The following KCND2 variants were observed in gnomAD, a reference collection of about 807,000 sequenced individuals.
KCND2 encodes the protein potassium voltage-gated channel subfamily D member 2.
Under a neutral mutation model 54.4 loss-of-function variants are expected in KCND2, and 16 were observed. The observed-to-expected ratio is 0.29, with a 90% CI of 0.20 to 0.45. The LOEUF (loss-of-function observed/expected upper bound fraction) is 0.45. Among genes scored for constraint, KCND2 ranks in the 20% least tolerant of loss-of-function variants. The probability of loss-of-function intolerance (pLI) is 1.00; values close to 1 mark genes in which losing one functional copy is unlikely to be tolerated. For synonymous variants in KCND2, 317 were observed against 310.7 expected (o/e 1.02, Z -0.21); for missense variants, 486 against 824.2 (o/e 0.59, Z 5.02).
intron 1 of KCND2, among the ~76,000 whole-genome samples, chr7:120,685,179 T>A (rs2116595009): frequency 6.6e-6 from 1 of 152,204 alleles, no homozygotes; most frequent in East Asian, 1.9e-4. Context: ...CATAGATGAG[T>A]GCTGATAAAG....
chr7:120,528,130 C>T (rs1326917396), intron 1 of KCND2, among the ~76,000 whole-genome samples: 2 of 152,114 alleles, frequency 1.3e-5, no homozygotes, highest in African/African-American at 4.8e-5. Flanking sequence ...CCAATACTCT[C>T]AGGCCCACAG....
At position 120,343,639 on chromosome 7, in the gene KCND2, G is replaced by A. The variant is rs547106935; in HGVS notation, c.1115+67892G>A. Among the ~76,000 whole-genome samples, 4 of 152,252 alleles carry A rather than the reference G, an allele frequency of 2.6e-5. No homozygotes were observed. In the East Asian group the frequency reaches 7.7e-4, roughly 29 times the overall value. On this transcript the variant is annotated intron_variant, in intron 1 of 5. Transcript: ENST00000331113. ...ATCTTGGATATCAGGATGAGAAGTT[G>A]TGTTATTATTTGGAAACTATCTTTT...
chr7:120,422,833 C>T (rs1179745429), intron 1 of KCND2, among the ~76,000 whole-genome samples: 1 of 152,196 alleles, frequency 6.6e-6, no homozygotes, highest in Non-Finnish European at 1.5e-5. Context: ...TGGAAACTTT[C>T]TTCTACTCCG....
intron 1 of KCND2, among the ~76,000 whole-genome samples, chr7:120,585,020 G>A (rs12706292): frequency 0.57 from 86,455 of 152,088 alleles, 28,806 homozygotes; most frequent in Middle Eastern, 0.79. Flanking sequence ...TGGGGTGGTG[G>A]CATATAAGAA....
chr7:120,607,917 A>G (rs755603491), intron 1 of KCND2, among the ~76,000 whole-genome samples: 3 of 152,082 alleles, frequency 2.0e-5, no homozygotes, highest in Non-Finnish European at 2.9e-5. Flanking sequence ...TAGGTCTACT[A>G]GGCTGTAGCT....
intron 1 of KCND2, among the ~76,000 whole-genome samples, chr7:120,390,615 G>A (rs1370689692): frequency 6.6e-6 from 1 of 151,886 alleles, no homozygotes; most frequent in East Asian, 1.9e-4. Context: ...TTATGTTAAA[G>A]CATTTCAATG....
intron 1 of KCND2, among the ~76,000 whole-genome samples, chr7:120,370,219 G>A (rs1800746812): frequency 6.6e-6 from 1 of 151,944 alleles, no homozygotes; most frequent in Non-Finnish European, 1.5e-5. Flanking sequence ...AACTGAGCAG[G>A]GAGAATAGCT....
chr7:120,597,374 G>T (rs193002909), intron 1 of KCND2, among the ~76,000 whole-genome samples: 80 of 152,204 alleles, frequency 5.3e-4, no homozygotes, highest in Non-Finnish European at 9.4e-4. Context: ...GGAGAAATGG[G>T]TTTAATTTTT....
chr7:120,686,599 G>C (rs985529579), intron 1 of KCND2, among the ~76,000 whole-genome samples: 4 of 152,140 alleles, frequency 2.6e-5, no homozygotes. Context: ...ACGTGGAAGA[G>C]AGCAAAGTGG....
intron 1 of KCND2, among the ~76,000 whole-genome samples, chr7:120,631,545 C>A (rs933767867): frequency 3.9e-5 from 6 of 151,994 alleles, no homozygotes; most frequent in African/African-American, 7.2e-5. Context: ...TTTCCTCTGG[C>A]AAGATATAAA....
chr7:120,331,867 C>G (rs757523889), intron 1 of KCND2, among the ~76,000 whole-genome samples: 3 of 151,898 alleles, frequency 2.0e-5, no homozygotes, highest in Non-Finnish European at 4.4e-5. Flanking sequence ...CTTTAAAATA[C>G]CTTCATTTTA....
intron 1 of KCND2, among the ~76,000 whole-genome samples, chr7:120,337,383 ACAT>A (rs1386886739): frequency 6.6e-6 from 1 of 152,170 alleles, no homozygotes; most frequent in African/African-American, 2.4e-5. Context: ...GTATGTAAAA[ACAT>A]CAGGGCCTAG....
chr7:120,588,398 G>A (rs1269337122), intron 1 of KCND2, among the ~76,000 whole-genome samples: 1 of 108,360 alleles, frequency 9.2e-6, no homozygotes, highest in Non-Finnish European at 2.0e-5. Flanking sequence ...GGAGGCAACT[G>A]TGCAGTGTGT....
intron 1 of KCND2, among the ~76,000 whole-genome samples, chr7:120,384,127 G>A (rs1365829514): frequency 6.6e-6 from 1 of 151,894 alleles, no homozygotes; most frequent in East Asian, 1.9e-4. Context: ...CCTAATGCAA[G>A]GTAAATACGA....
At chr7:120,355,823 G>A (rs546526723) in intron 1 of KCND2, among the ~76,000 whole-genome samples, 4 of 152,214 alleles carry the variant, frequency 2.6e-5, no homozygotes, top group South Asian at 2.1e-4. Context: ...AAACCATGTC[G>A]TCATCGAAAT....
intron 1 of KCND2, among the ~76,000 whole-genome samples, chr7:120,732,073 G>A (rs734317): frequency 0.062 from 9,481 of 152,152 alleles, 325 homozygotes; most frequent in South Asian, 0.073. Flanking sequence ...CATCATGGCT[G>A]TCAATATAAA....
chr7:120,302,921 A>G (rs1233235913), intron 1 of KCND2, among the ~76,000 whole-genome samples: 1 of 152,206 alleles, frequency 6.6e-6, no homozygotes, highest in Non-Finnish European at 1.5e-5. Context: ...AATGAAATAT[A>G]TAAATGTGAA....
Position 120,748,827 on chromosome 7 carries a change from A to G in KCND2, c.*969A>G, listed in dbSNP as rs1182413795. ...GTGCATTATCTGTTCTTGTATTTCT[A>G]TAGCACCTCTCTATTGGGTTTATCA... On this transcript the variant is annotated 3_prime_UTR_variant, in exon 6 of 6. Transcript: ENST00000331113. 1 of 151,924 alleles carries G rather than the reference A, an allele frequency of 6.6e-6. No homozygotes were observed. Among genetic ancestry groups the G allele is most frequent in the Non-Finnish European group, 1.5e-5 (1 of 67,856 alleles). 9.4% of individuals were successfully genotyped at this position (151,924 alleles called of 1,614,324 possible).
At chr7:120,569,529 A>G (rs1792337639) in intron 1 of KCND2, among the ~76,000 whole-genome samples, 1 of 152,110 alleles carries the variant, frequency 6.6e-6, no homozygotes, top group African/African-American at 2.4e-5. Flanking sequence ...TGCCCCACCA[A>G]AATTCCCAGA....
Sources: allele counts gnomAD v4.1 joint callset (sites outside exome capture counted in the v4.1 genomes callset), GRCh38; gene constraint gnomAD v4.1.1; transcripts MANE v1.5; gene names NCBI Gene and HGNC (gene_info 2026-07-23, HGNC 2026-07-21).